WWC1: variants seen among roughly 807,000 people sequenced by gnomAD.
The protein encoded by WWC1 is WW and C2 domain containing 1.
A neutral mutation model predicts 138.4 loss-of-function variants in WWC1; 55 were observed. That is an observed-to-expected ratio of 0.40 (90% CI 0.32 to 0.50). The LOEUF (loss-of-function observed/expected upper bound fraction) is 0.50. WWC1 is among the 20% of genes least tolerant of loss of function. The probability of loss-of-function intolerance (pLI) is 0.72; values close to 1 mark genes in which losing one functional copy is unlikely to be tolerated. For synonymous variants in WWC1, 524 were observed against 564.9 expected (o/e 0.93, Z 1.03); for missense variants, 1,226 against 1,420.4 (o/e 0.86, Z 2.20).
At chr5:168,311,934 A>T (rs1771131004) in intron 1 of WWC1, among the ~76,000 whole-genome samples, 1 of 152,024 alleles carries the variant, frequency 6.6e-6, no homozygotes, top group South Asian at 2.1e-4. Context: ...CTGTAATCCC[A>T]GCTACTCAGA....
At chr5:168,434,318 G>A (rs1782177474) in intron 15 of WWC1, among the ~76,000 whole-genome samples, 1 of 152,048 alleles carries the variant, frequency 6.6e-6, no homozygotes, top group Non-Finnish European at 1.5e-5. Context: ...GGAGTGTCAG[G>A]CTGTCGTATT....
rs568054198 is a variant in WWC1, at chr5:168,391,658, CA to C, written c.434-6053del. 8.8e-3 allele frequency among the ~76,000 whole-genome samples: 730 copies of C among 82,850 alleles called. 36 individuals carry two copies. The highest frequency in any genetic ancestry group is 0.027 in the African/African-American group (651 of 24,170). 54.4% of individuals were successfully genotyped at this position (82,850 alleles called of 152,430 possible). On this transcript the variant is annotated intron_variant, in intron 3 of 22. Transcript: ENST00000265293. ...TGGGCAACAGAGCAACACTCCGTCT[CA>C]AAAAAAAAAAAACAAAAAAACTAAA...
chr5:168,331,535 G>A (rs146101310), intron 1 of WWC1, among the ~76,000 whole-genome samples: 109 of 152,336 alleles, frequency 7.2e-4, no homozygotes, highest in South Asian at 3.5e-3. Context: ...ATGTCCTACA[G>A]TGTGATTGAT....
At chr5:168,362,813 G>T (rs2152801182) in intron 1 of WWC1, among the ~76,000 whole-genome samples, 1 of 152,308 alleles carries the variant, frequency 6.6e-6, no homozygotes, top group East Asian at 1.9e-4. Context: ...CAACCCAGCA[G>T]GGCAGAGGGA....
At chr5:168,314,354 G>A (rs952955261) in intron 1 of WWC1, among the ~76,000 whole-genome samples, 8 of 152,102 alleles carry the variant, frequency 5.3e-5, no homozygotes, top group Admixed American at 3.3e-4. Flanking sequence ...GATCACCTGA[G>A]GTTGGGAGTT....
intron 1 of WWC1, among the ~76,000 whole-genome samples, chr5:168,358,338 G>T (rs11740911): frequency 2.6e-5 from 4 of 152,306 alleles, no homozygotes; most frequent in Admixed American, 2.6e-4. Context: ...AGGAGAGCTC[G>T]GTGAGTGTCA....
At chr5:168,402,897 T>C (rs149996879) in intron 5 of WWC1, among the ~76,000 whole-genome samples, 7 of 152,318 alleles carry the variant, frequency 4.6e-5, no homozygotes, top group South Asian at 2.1e-4. Context: ...CGGCAGAACA[T>C]GGAGAAAGGT....
intron 1 of WWC1, among the ~76,000 whole-genome samples, chr5:168,329,615 A>G (rs1345862153): frequency 2.6e-5 from 4 of 152,210 alleles, no homozygotes; most frequent in African/African-American, 9.6e-5. Context: ...CATGCTAATG[A>G]ACCTGGAGTT....
intron 1 of WWC1, among the ~76,000 whole-genome samples, chr5:168,342,284 G>A (rs1200525607): frequency 6.6e-6 from 1 of 152,214 alleles, no homozygotes; most frequent in Non-Finnish European, 1.5e-5. Flanking sequence ...TCTAGGAGCT[G>A]ACGGAGCTGA....
At chr5:168,381,185 A>G (rs980768195) in intron 2 of WWC1, among the ~76,000 whole-genome samples, 1 of 152,168 alleles carries the variant, frequency 6.6e-6, no homozygotes, top group Non-Finnish European at 1.5e-5. Context: ...AAAAGAGACC[A>G]TGAGCCACAA....
intron 5 of WWC1, among the ~76,000 whole-genome samples, chr5:168,400,177 CTTT>C (rs1290241881): frequency 6.6e-6 from 1 of 151,862 alleles, no homozygotes; most frequent in Non-Finnish European, 1.5e-5. Context: ...TCTTCTTCTT[CTTT>C]TTTTTAACTT....
intron 9 of WWC1, chr5:168,416,112 C>T (rs1275824844): frequency 3.3e-5 from 5 of 152,094 alleles, no homozygotes; most frequent in Non-Finnish European, 5.9e-5. Flanking sequence ...TGGCATGGTG[C>T]CAGGTGGATC....
At chr5:168,332,703 T>TCTTTTA (rs1441044177) in intron 1 of WWC1, among the ~76,000 whole-genome samples, 1 of 150,420 alleles carries the variant, frequency 6.6e-6, no homozygotes, top group African/African-American at 2.5e-5. Flanking sequence ...TTTGGTTTTT[T>TCTTTTA]CTTTTTCTTT....
chr5:168,402,270 C>T (rs923370922), intron 5 of WWC1, among the ~76,000 whole-genome samples: 9 of 152,230 alleles, frequency 5.9e-5, no homozygotes, highest in African/African-American at 2.2e-4. Context: ...GAGGAAGATG[C>T]GTCCTTTAAT....
At chr5:168,421,238 T>C (rs796642904) in intron 9 of WWC1, among the ~76,000 whole-genome samples, 1 of 152,120 alleles carries the variant, frequency 6.6e-6, no homozygotes, top group Admixed American at 6.5e-5. Context: ...CTACTAGTGC[T>C]CACATCCCAT....
At chr5:168,414,798 G>A (rs1285115852) in intron 9 of WWC1, 2 of 695,464 alleles carry the variant, frequency 2.9e-6, no homozygotes, top group African/African-American at 3.6e-5. Flanking sequence ...ATTTTGCATG[G>A]TGAATCATGC....
intron 20 of WWC1, among the ~76,000 whole-genome samples, chr5:168,463,049 C>T (rs1027363414): frequency 3.3e-5 from 5 of 152,174 alleles, no homozygotes; most frequent in Non-Finnish European, 5.9e-5. Flanking sequence ...GAGACTAGGT[C>T]TTATGGTAAT....
At chr5:168,430,527 C>T (rs761907968) in intron 14 of WWC1, among the ~76,000 whole-genome samples, 10 of 152,180 alleles carry the variant, frequency 6.6e-5, no homozygotes, top group Non-Finnish European at 1.5e-4. Context: ...CCTTCCTGGG[C>T]CCTACCCTCC....
intron 1 of WWC1, among the ~76,000 whole-genome samples, chr5:168,329,363 CTTATTTTA>C (rs1445763833): frequency 6.6e-6 from 1 of 152,168 alleles, no homozygotes; most frequent in Non-Finnish European, 1.5e-5. Context: ...AGCTTATTTT[CTTATTTTA>C]TATATTTAAA....
Sources: gnomAD v4.1 joint callset for allele counts (sites outside exome capture counted in the v4.1 genomes callset) on GRCh38, gnomAD v4.1.1 for gene constraint, MANE v1.5 for transcripts, NCBI Gene and HGNC (gene_info 2026-07-23, HGNC 2026-07-21) for gene names.